Variants in ZNF341 observed in about 807,000 individuals in gnomAD.
ZNF341 encodes the protein zinc finger protein 341.
A neutral mutation model predicts 87.7 loss-of-function variants in ZNF341; 52 were observed. The observed-to-expected ratio is 0.59, with a 90% CI of 0.47 to 0.75. ZNF341 has a LOEUF of 0.75. Among genes scored for constraint, ZNF341 ranks in the 30% least tolerant of loss-of-function variants. The pLI, the probability that ZNF341 is intolerant of heterozygous loss-of-function variation, is 0.00. For missense variants in ZNF341, 977 were observed against 1,145.9 expected, an observed-to-expected ratio of 0.85 and a Z score of 2.13; for synonymous variants, 459 against 472.7, an observed-to-expected ratio of 0.97 and a Z score of 0.38.
chr20:33,741,320 G>A (rs1364933230), intron 2 of ZNF341, among the ~76,000 whole-genome samples: 1 of 152,080 alleles, frequency 6.6e-6, no homozygotes, highest in Non-Finnish European at 1.5e-5. Flanking sequence ...TGATTATTCA[G>A]CCTCCCTTCT....
At chr20:33,790,754 G>A (rs2747564) in intron 14 of ZNF341, among the ~76,000 whole-genome samples, 25,094 of 152,118 alleles carry the variant, frequency 0.16, 3,823 homozygotes, top group African/African-American at 0.41. Context: ...CCAGGCAGAG[G>A]AGAATGGCAA....
chr20:33,752,349 T>C, intron 4 of ZNF341: 1 of 625,478 alleles, frequency 1.6e-6, no homozygotes, highest in African/African-American at 1.8e-5. Context: ...TTGAGGCTGG[T>C]ATCAATGCAC....
At chr20:33,753,663 C>G (rs1233835982) in intron 5 of ZNF341, among the ~76,000 whole-genome samples, 2 of 152,108 alleles carry the variant, frequency 1.3e-5, no homozygotes, top group Non-Finnish European at 2.9e-5. Flanking sequence ...CAGGTTGTAG[C>G]AGAAATATAA....
At position 33,753,431 on chromosome 20, in the gene ZNF341, G is replaced by A; in HGVS notation, c.741+8G>A. ...CCCTACCCACCCCTAGAGGTGAGCAGAGGGGGCAGGGTGGAAGAGGACACT... is the reference window on the plus strand; with the variant it reads ...CCCTACCCACCCCTAGAGGTGAGCAAAGGGGGCAGGGTGGAAGAGGACACT... On this transcript the variant is annotated splice_region_variant and intron_variant, in intron 5 of 14. Coordinates refer to ENST00000375200, the MANE Select transcript of ZNF341 (RefSeq NM_001282933.2). The A allele has an allele frequency of 6.3e-7, 1 of 1,584,100 alleles. No individual in the cohort carries two copies. The highest frequency in any genetic ancestry group is 8.6e-7 in the Non-Finnish European group (1 of 1,165,752).
chr20:33,753,108 C>G, intron 4 of ZNF341, 64 bp from the exon 5 acceptor site: 6 of 1,606,264 alleles, frequency 3.7e-6, no homozygotes, highest in Non-Finnish European at 5.1e-6. Flanking sequence ...AAATGTCCTT[C>G]CTTCCTGATA....
At chr20:33,781,477 T>A in intron 11 of ZNF341, 90 bp downstream of exon 11, 1 of 1,186,012 alleles carries the variant, frequency 8.4e-7, no homozygotes, top group Admixed American at 1.7e-5. Context: ...TTCCTTCTCC[T>A]CTCTCACCAT....
At chr20:33,783,289 C>G (rs563933476) in intron 11 of ZNF341, among the ~76,000 whole-genome samples, 2 of 151,994 alleles carry the variant, frequency 1.3e-5, no homozygotes, top group African/African-American at 4.8e-5. Flanking sequence ...AGTGAAAGCC[C>G]CTCTCTGCCT....
intron 8 of ZNF341, among the ~76,000 whole-genome samples, chr20:33,765,435 A>G (rs1000551864): frequency 2.7e-5 from 4 of 149,102 alleles, no homozygotes; most frequent in Admixed American, 6.7e-5. Flanking sequence ...CTGGAGTGCA[A>G]TGGCATGATG....
intron 9 of ZNF341, among the ~76,000 whole-genome samples, chr20:33,768,703 A>T (rs1017529985): frequency 6.6e-6 from 1 of 152,138 alleles, no homozygotes; most frequent in African/African-American, 2.4e-5. Context: ...GATTACAGGC[A>T]TGAGCCACCA....
chr20:33,742,775 C>T (rs145935446), intron 2 of ZNF341, among the ~76,000 whole-genome samples: 8 of 152,270 alleles, frequency 5.3e-5, no homozygotes, highest in African/African-American at 1.7e-4. Context: ...CATGCCCTTT[C>T]CTTTTCCTTT....
In ZNF341 at chr20:33,791,251, T is replaced by C; in HGVS notation, c.2299T>C (p.Leu767=). 1 of 1,611,904 alleles carries C rather than the reference T, an allele frequency of 6.2e-7. No homozygotes were observed. The highest frequency in any genetic ancestry group is 8.5e-7 in the Non-Finnish European group (1 of 1,179,508). Residue 767 remains leucine, a synonymous_variant, in exon 15 of 15, where the codon TTG becomes CTG. Transcript: ENST00000375200. ...TGGTGGGCGCAAGGTGCTGACCCCC[T>C]TGCCTGACCCGCTGGGGCTGGAGGA... The part of the protein sequence containing the change: ...GSGGRKVLTP[L]PDPLGLEELK...
intron 8 of ZNF341, among the ~76,000 whole-genome samples, chr20:33,765,520 C>T (rs953750585): frequency 2.6e-5 from 4 of 151,724 alleles, no homozygotes; most frequent in Non-Finnish European, 2.9e-5. Context: ...GTGGGACCAC[C>T]GACACATGCA....
Position 33,732,432 on chromosome 20 carries a change from G to T in ZNF341, c.31+380G>T, listed in dbSNP as rs998912507. 1.3e-5 allele frequency among the ~76,000 whole-genome samples: 2 copies of T among 152,060 alleles called. No individual in the cohort carries two copies. The highest frequency in any genetic ancestry group is 4.8e-5 in the African/African-American group (2 of 41,434). On this transcript the variant is annotated intron_variant, in intron 1 of 14. Transcript: ENST00000375200. The surrounding 1 kb of genome is among the most constrained non-coding windows in gnomAD (Gnocchi z 4.5). The stretch of plus-strand genomic sequence containing the variant: ...GGCGGCGCGCGGGGCCCGGGACGGG[G>T]GTGCGGTCGCAGCTGCGGGCAGGAG...
chr20:33,745,293 T>C lies in ZNF341; in HGVS notation c.333T>C (p.Asn111=). ...TCCAGCAGGCCCCAACTCCTGCCAATCGCCAGGTATTTGTTCATTTATTCA... is the reference window on the plus strand; with the variant it reads ...TCCAGCAGGCCCCAACTCCTGCCAACCGCCAGGTATTTGTTCATTTATTCA... ...TAVQQAPTPA[N]RQISTYITVP... Residue 111 remains asparagine (N), a synonymous_variant, in exon 3 of 15, where the codon AAT becomes AAC. Transcript: ENST00000375200. The C allele has an allele frequency of 1.2e-6, 2 of 1,611,676 alleles. No homozygotes were observed. Among genetic ancestry groups the C allele is most frequent in the Non-Finnish European group, 1.7e-6 (2 of 1,178,092 alleles).
At chr20:33,737,482 C>T (rs553192866) in intron 1 of ZNF341, among the ~76,000 whole-genome samples, 167 of 152,222 alleles carry the variant, frequency 1.1e-3, no homozygotes, top group Non-Finnish European at 1.8e-3. Context: ...CCACCATGCC[C>T]GGCTAATTTT....
rs1463873697 is a variant in ZNF341, at chr20:33,745,179, G to T, written c.219G>T (p.Arg73=). ...TGCCAGCGTTTATGACCCACAAGCG[G>T]GAACAGTGCCAGGGGAATGCCCCCG... ...NSLPAFMTHK[R]EQCQGNAPAL... is the part of the protein sequence containing the mutation. Residue 73 remains arginine, a synonymous_variant, in exon 3 of 15, where the codon CGG becomes CGT. Transcript: ENST00000375200. 1 of 1,614,176 alleles carries T rather than the reference G, an allele frequency of 6.2e-7. No individual in the cohort carries two copies. Among genetic ancestry groups the T allele is most frequent in the South Asian group, 1.1e-5 (1 of 91,078 alleles).
intron 4 of ZNF341, chr20:33,752,652 C>CTTTT (rs956277736): frequency 3.3e-4 from 58 of 175,388 alleles, no homozygotes; most frequent in South Asian, 1.1e-3. Context: ...ATTTTCTTTT[C>CTTTT]TTTTTTTTTT....
intron 1 of ZNF341, among the ~76,000 whole-genome samples, chr20:33,738,062 G>T (rs1359704353): frequency 6.6e-6 from 1 of 151,576 alleles, no homozygotes; most frequent in African/African-American, 2.4e-5. Flanking sequence ...GCTTGAACCC[G>T]GGAGACAGAG....
chr20:33,775,508 CTT>C (rs772780844), intron 10 of ZNF341, among the ~76,000 whole-genome samples: 12 of 135,890 alleles, frequency 8.8e-5, no homozygotes, highest in Non-Finnish European at 1.4e-4. Context: ...CGTGCCCGGC[CTT>C]TTTTTTTTTT....
Sources: allele counts gnomAD v4.1 joint callset (sites outside exome capture counted in the v4.1 genomes callset), GRCh38; gene constraint gnomAD v4.1.1; non-coding constraint Gnocchi (gnomAD v3.1); transcripts MANE v1.5; gene names NCBI Gene and HGNC (gene_info 2026-07-23, HGNC 2026-07-21).